REEP3: variants seen among roughly 807,000 people sequenced by gnomAD.
REEP3 encodes the protein receptor accessory protein 3.
In REEP3, 20 loss-of-function variants were observed where a neutral mutation model predicts 41.3. The ratio of observed to expected loss-of-function variants is 0.48; its 90% CI spans 0.34 to 0.70. REEP3 has a LOEUF of 0.70. Among genes scored for constraint, REEP3 ranks in the 30% least tolerant of loss-of-function variants. The pLI is 0.01. For missense variants in REEP3, 271 were observed against 308.8 expected (o/e 0.88, Z 0.92); for synonymous variants, 104 against 101.8 (o/e 1.02, Z -0.13).
intron 2 of REEP3, among the ~76,000 whole-genome samples, chr10:63,581,913 T>C (rs1955957899): frequency 6.6e-6 from 1 of 151,922 alleles, no homozygotes; most frequent in Non-Finnish European, 1.5e-5. Context: ...TAAATGATGA[T>C]GTGCCCAAAC....
intron 6 of REEP3, among the ~76,000 whole-genome samples, chr10:63,616,188 AT>A (rs1221032659): frequency 1.3e-5 from 2 of 152,128 alleles, no homozygotes; most frequent in Non-Finnish European, 2.9e-5. Context: ...GCCATACAGA[AT>A]CATGACTCTT....
intron 1 of REEP3, among the ~76,000 whole-genome samples, chr10:63,561,868 T>C (rs951451877): frequency 2.0e-5 from 3 of 152,182 alleles, no homozygotes; most frequent in Non-Finnish European, 2.9e-5. Context: ...GAATCCCACA[T>C]TGAATGTAAA....
At chr10:63,543,850 G>A (rs577885367) in intron 1 of REEP3, among the ~76,000 whole-genome samples, 2 of 152,054 alleles carry the variant, frequency 1.3e-5, no homozygotes, top group Non-Finnish European at 2.9e-5. Flanking sequence ...AATGTGTACC[G>A]TGTGCCTGGC....
chr10:63,578,751 T>C (rs949652823), intron 2 of REEP3, among the ~76,000 whole-genome samples: 16 of 152,170 alleles, frequency 1.1e-4, no homozygotes, highest in African/African-American at 3.9e-4. Context: ...CACTCCACCA[T>C]GGGCAAGAGA....
intron 1 of REEP3, among the ~76,000 whole-genome samples, chr10:63,539,020 A>C (rs572124014): frequency 1.1e-4 from 17 of 152,344 alleles, no homozygotes; most frequent in Non-Finnish European, 2.1e-4. Flanking sequence ...CTGTTCACAA[A>C]GATTTCTAGT....
At chr10:63,605,862 G>A (rs1956220582) in intron 5 of REEP3, among the ~76,000 whole-genome samples, 1 of 152,128 alleles carries the variant, frequency 6.6e-6, no homozygotes, top group Non-Finnish European at 1.5e-5. Flanking sequence ...TCCAGAGCCT[G>A]AGTGTGCTAG....
intron 2 of REEP3, among the ~76,000 whole-genome samples, chr10:63,589,785 CTT>C (rs59658061): frequency 2.7e-4 from 22 of 80,832 alleles, no homozygotes; most frequent in South Asian, 2.7e-3. Context: ...AGCAGAACAT[CTT>C]TTTTTTTTTT....
At chr10:63,609,604 T>C (rs112693058) in intron 5 of REEP3, among the ~76,000 whole-genome samples, 2,354 of 151,276 alleles carry the variant, frequency 0.016, 62 homozygotes, top group African/African-American at 0.054. Context: ...CTGTTAAAAA[T>C]ACAAAAATTA....
At chr10:63,609,725 A>G (rs1178975267) in intron 5 of REEP3, among the ~76,000 whole-genome samples, 8 of 152,202 alleles carry the variant, frequency 5.3e-5, no homozygotes, top group African/African-American at 1.9e-4. Flanking sequence ...ACGCCACTGC[A>G]TTCCAGCCTG....
In REEP3 at chr10:63,556,243, G is replaced by A. The variant is rs555059069; in HGVS notation, c.33-10095G>A. ...CGATTCTCCTGCCTCAGCCTCCCAAGTAGCTGGGATTACAGGCGCGGGCCA... is the reference window on the plus strand; with the variant it reads ...CGATTCTCCTGCCTCAGCCTCCCAAATAGCTGGGATTACAGGCGCGGGCCA... On this transcript the variant is annotated intron_variant, in intron 1 of 7. Transcript: ENST00000373758. Among the ~76,000 whole-genome samples, 51 of 152,052 alleles carry A rather than the reference G, an allele frequency of 3.4e-4. No homozygotes were observed. The South Asian group carries it at 0.01, about 31-fold the overall frequency.
At chr10:63,613,831 ATTAAGAT>A (rs1480227871) in intron 6 of REEP3, among the ~76,000 whole-genome samples, 1 of 152,186 alleles carries the variant, frequency 6.6e-6, no homozygotes, top group African/African-American at 2.4e-5. Flanking sequence ...TTCTTAAAAG[ATTAAGAT>A]TTAAGTATAA....
chr10:63,624,094 A>C lies in REEP3; in HGVS notation c.*3225A>C, dbSNP rs552806540. 2.6e-5 allele frequency: 4 copies of C among 152,252 alleles called. No individual in the cohort carries two copies. The East Asian group carries it at 7.7e-4, about 29-fold the overall frequency. 9.4% of individuals were successfully genotyped at this position (152,252 alleles called of 1,614,324 possible). A position where few individuals can be genotyped will look rare whatever the true frequency, so the allele number is the denominator to read the frequency against. ...ATTAAGCATGAGTCTAATTTGTATT[A>C]ATTGGGATGGACTAAATTTTCATTT... On this transcript the variant is annotated 3_prime_UTR_variant, in exon 8 of 8. Transcript: ENST00000373758.
chr10:63,545,396 G>C, intron 1 of REEP3, among the ~76,000 whole-genome samples: 1 of 151,814 alleles, frequency 6.6e-6, no homozygotes, highest in Non-Finnish European at 1.5e-5. Flanking sequence ...TATTTTTTTT[G>C]ATGGAGTCTC....
intron 5 of REEP3, among the ~76,000 whole-genome samples, chr10:63,606,548 G>T (rs756772585): frequency 6.6e-6 from 1 of 151,952 alleles, no homozygotes; most frequent in Non-Finnish European, 1.5e-5. Flanking sequence ...ACTGCACCAG[G>T]TCCTTTTCTC....
At chr10:63,568,036 T>C (rs1367239802) in intron 2 of REEP3, among the ~76,000 whole-genome samples, 2 of 152,178 alleles carry the variant, frequency 1.3e-5, no homozygotes, top group African/African-American at 4.8e-5. Flanking sequence ...ATTGGTGAAA[T>C]TAATCTTAAG....
chr10:63,576,013 G>A (rs1423564282), intron 2 of REEP3, among the ~76,000 whole-genome samples: 1 of 152,236 alleles, frequency 6.6e-6, no homozygotes, highest in African/African-American at 2.4e-5. Context: ...GATTACAGGT[G>A]TGAGCCACTG....
At chr10:63,600,035 G>A (rs76651565) in intron 5 of REEP3, among the ~76,000 whole-genome samples, 173 of 152,216 alleles carry the variant, frequency 1.1e-3, no homozygotes, top group Admixed American at 2.9e-3. Flanking sequence ...TATAGTAGGA[G>A]CCCAATAAAC....
chr10:63,530,065 C>T (rs959909807), intron 1 of REEP3, among the ~76,000 whole-genome samples: 2 of 152,184 alleles, frequency 1.3e-5, no homozygotes, highest in African/African-American at 2.4e-5. Flanking sequence ...TAGCATGAGC[C>T]ACTGCGCCCT....
chr10:63,619,752 AAG>A lies in REEP3; in HGVS notation c.665_666del (p.Arg222IlefsTer64), dbSNP rs1312703855. 6.2e-7 allele frequency: 1 copy of A among 1,609,918 alleles called. No individual in the cohort carries two copies. Among genetic ancestry groups the A allele is most frequent in the African/African-American group, 1.3e-5 (1 of 74,904 alleles). On this transcript the variant is annotated frameshift_variant, in exon 7 of 8. Coordinates refer to ENST00000373758, the MANE Select transcript of REEP3 (RefSeq NM_001001330.3). LOFTEE classifies it high-confidence loss of function. Reference sequence around the variant, plus strand: ...AGATGTTAACACACAAAGGGCTTCGAAGATCGCAAAGCATGAAATCTGTGAAA... The same window carrying A: ...AGATGTTAACACACAAAGGGCTTCGAATCGCAAAGCATGAAATCTGTGAAA... ...NEMLTHKGLR[R>X]SQSMKSVKTT...
Sources: gnomAD v4.1 joint callset for allele counts (sites outside exome capture counted in the v4.1 genomes callset) on GRCh38, gnomAD v4.1.1 for gene constraint, MANE v1.5 for transcripts, NCBI Gene and HGNC (gene_info 2026-07-23, HGNC 2026-07-21) for gene names.